Variants in ARHGAP21 observed in about 807,000 individuals in gnomAD.
ARHGAP21 encodes the protein rho GTPase-activating protein 21.
In ARHGAP21, 38 loss-of-function variants were observed where a neutral mutation model predicts 164.6. The observed-to-expected ratio is 0.23, with a 90% CI of 0.18 to 0.30. The LOEUF is 0.30. Among genes scored for constraint, ARHGAP21 ranks in the 10% least tolerant of loss-of-function variants. The pLI is 1.00. For synonymous variants in ARHGAP21, 766 were observed against 857.9 expected (o/e 0.89, Z 1.87); for missense variants, 1,822 against 2,370.7 (o/e 0.77, Z 4.81).
intron 3 of ARHGAP21, among the ~76,000 whole-genome samples, chr10:24,667,810 G>A (rs1840341786): frequency 1.3e-5 from 2 of 151,542 alleles, no homozygotes; most frequent in Admixed American, 6.6e-5. Flanking sequence ...GAGGTTGCCA[G>A]TTAAGTGACA....
At chr10:24,602,981 TG>T (rs536666705) in intron 12 of ARHGAP21, among the ~76,000 whole-genome samples, 1 of 152,130 alleles carries the variant, frequency 6.6e-6, no homozygotes, top group Non-Finnish European at 1.5e-5. Context: ...TAAGGAAGTC[TG>T]GGGGTAACTG....
In ARHGAP21 at chr10:24,598,048, A is replaced by C. The variant is rs200199008; in HGVS notation, c.3133-39T>G. 6.6e-6 allele frequency: 10 copies of C among 1,520,228 alleles called. No individual in the cohort carries two copies. In the African/African-American group the frequency reaches 1.4e-4, roughly 21 times the overall value. 94.2% of individuals were successfully genotyped at this position (1,520,228 alleles called of 1,614,324 possible). ...TAAAATTAGAAAATCAATTCTAAACATAAATAAGTGATCCTTACTTTTTTG... is the reference window on the plus strand; with the variant it reads ...TAAAATTAGAAAATCAATTCTAAACCTAAATAAGTGATCCTTACTTTTTTG... On this transcript the variant is annotated intron_variant, in intron 14 of 25. Transcript: ENST00000396432.
At chr10:24,602,243 T>A in intron 12 of ARHGAP21, 140 bp from the exon 13 acceptor site, 1 of 901,692 alleles carries the variant, frequency 1.1e-6, no homozygotes, top group Non-Finnish European at 1.6e-6. Context: ...TTTATCTTTT[T>A]AAAAATTTCT....
At chr10:24,699,511 G>A (rs1157643500) in intron 2 of ARHGAP21, among the ~76,000 whole-genome samples, 1 of 151,972 alleles carries the variant, frequency 6.6e-6, no homozygotes, top group Non-Finnish European at 1.5e-5. Flanking sequence ...TTTTAGTAGA[G>A]ATAGGGTTTC....
At chr10:24,624,272 C>A (rs1374706236) in intron 7 of ARHGAP21, among the ~76,000 whole-genome samples, 4 of 150,468 alleles carry the variant, frequency 2.7e-5, no homozygotes, top group Admixed American at 2.0e-4. Flanking sequence ...CGCCAGGGAA[C>A]CCATTTTTTT....
chr10:24,622,742 G>C lies in ARHGAP21; in HGVS notation c.516C>G (p.Val172=), dbSNP rs756501613. The stretch of plus-strand genomic sequence containing the variant: ...ACTGTGCATTTCTTACCAGTGCTGT[G>C]ACATCCTTTGTAAACTGTAGCTAGC... ...ILQVLQFTKD[V]TALAYSQDAY... is the part of the protein sequence containing the mutation. Residue 172 remains valine, a synonymous_variant, in exon 8 of 26, where the codon GTC becomes GTG. Coordinates refer to ENST00000396432, the MANE Select transcript of ARHGAP21 (RefSeq NM_020824.4). 3 of 1,611,832 alleles carry C rather than the reference G, an allele frequency of 1.9e-6. No individual in the cohort carries two copies. The highest frequency in any genetic ancestry group is 2.5e-6 in the Non-Finnish European group (3 of 1,179,220).
Position 24,619,511 on chromosome 10 carries a change from C to T in ARHGAP21, c.2384G>A (p.Ser795Asn), listed in dbSNP as rs1188699707. ...RMEERKASST[S>N]PPGDSLASIP... ...GGAAGCCAAAGAATCGCCAGGCGGACTGGTACTCGAGGCTTTTCTTTCCTC... is the reference window on the plus strand; with the variant it reads ...GGAAGCCAAAGAATCGCCAGGCGGATTGGTACTCGAGGCTTTTCTTTCCTC... The change falls in exon 9 of 26, where the codon AGT becomes AAT. Residue 795 changes from serine to asparagine, a missense_variant. Ser to Asn is a conservative substitution (Grantham distance 46). This residue lies in a region of ARHGAP21 where 1,090 missense variants were observed against 1,378.9 expected (regional missense o/e 0.79). Coordinates refer to ENST00000396432, the MANE Select transcript of ARHGAP21 (RefSeq NM_020824.4). 4 of 1,614,064 alleles carry T rather than the reference C, an allele frequency of 2.5e-6. No homozygotes were observed. In the Admixed American group the frequency reaches 6.7e-5, roughly 27 times the overall value.
chr10:24,607,192 CAT>C (rs2077062603), intron 11 of ARHGAP21, among the ~76,000 whole-genome samples: 1 of 152,032 alleles, frequency 6.6e-6, no homozygotes, highest in African/African-American at 2.4e-5. Flanking sequence ...AGGTAGTGTA[CAT>C]ATGATTTTAT....
chr10:24,688,248 G>A (rs1245580580), intron 2 of ARHGAP21, among the ~76,000 whole-genome samples: 1 of 152,112 alleles, frequency 6.6e-6, no homozygotes, highest in African/African-American at 2.4e-5. Context: ...AAAATTAGCT[G>A]AAAGTGGTGG....
chr10:24,717,423 C>T (rs138944412), intron 2 of ARHGAP21, among the ~76,000 whole-genome samples: 5 of 152,274 alleles, frequency 3.3e-5, no homozygotes, highest in African/African-American at 9.6e-5. Context: ...AAACTTGTAA[C>T]TGGTATTCCT....
In ARHGAP21 at chr10:24,620,598, T is replaced by C. The variant is rs1834443591; in HGVS notation, c.1297A>G (p.Thr433Ala). 3.7e-6 allele frequency: 6 copies of C among 1,614,100 alleles called. No individual in the cohort carries two copies. The highest frequency in any genetic ancestry group is 5.1e-6 in the Non-Finnish European group (6 of 1,180,050). The change falls in exon 9 of 26, where the codon ACT becomes GCT. Residue 433 changes from threonine to alanine, a missense_variant. Around this residue, in one of 5 missense-constraint regions of ARHGAP21, gnomAD observed 1,090 missense variants for 1,378.9 expected, o/e 0.79. Coordinates refer to ENST00000396432, the MANE Select transcript of ARHGAP21 (RefSeq NM_020824.4). ...CTTCGACGTCGTCCCTGCAAAGTAG[T>C]GCGGTTGGGGACGACCTGGTTATAA... ...TDYNQVVPNR[T>A]TLQGRRRSTS...
chr10:24,626,637 T>G lies in ARHGAP21; in HGVS notation c.495+3359A>C, dbSNP rs113160996. Reference sequence around the variant, plus strand: ...AGGTATTTTGTTACAGCAGCCCAAATAGACTAAGAGAGTCAGCATCATTGT... The same window carrying G: ...AGGTATTTTGTTACAGCAGCCCAAAGAGACTAAGAGAGTCAGCATCATTGT... On this transcript the variant is annotated intron_variant, in intron 7 of 25. Transcript: ENST00000396432. 4.0e-3 allele frequency among the ~76,000 whole-genome samples: 614 copies of G among 152,292 alleles called. 1 individual carries two copies. The highest frequency in any genetic ancestry group is 0.012 in the South Asian group (57 of 4,824).
rs534125914 is a variant in ARHGAP21, at chr10:24,688,165, T to C, written c.64-17768A>G. Among the ~76,000 whole-genome samples, 3 of 152,218 alleles carry C rather than the reference T, an allele frequency of 2.0e-5. No homozygotes were observed. In the South Asian group the frequency reaches 6.2e-4, roughly 32 times the overall value. On this transcript the variant is annotated intron_variant, in intron 2 of 25. Coordinates refer to ENST00000396432, the MANE Select transcript of ARHGAP21 (RefSeq NM_020824.4). ...CAGCACTCTGGGAGGCCTAGGCGGG[T>C]GGATCACCTGAGGTCAGAAGTTCGA...
intron 9 of ARHGAP21, among the ~76,000 whole-genome samples, chr10:24,612,629 C>T (rs952412746): frequency 7.9e-5 from 12 of 151,604 alleles, no homozygotes; most frequent in African/African-American, 1.5e-4. Flanking sequence ...CCAAGGCGGG[C>T]GGATCACGAG....
At chr10:24,694,122 A>G (rs1842956349) in intron 2 of ARHGAP21, among the ~76,000 whole-genome samples, 2 of 152,202 alleles carry the variant, frequency 1.3e-5, no homozygotes, top group African/African-American at 2.4e-5. Context: ...CCCAAATTAC[A>G]TTCCTTTGAT....
chr10:24,584,920 G>A lies in ARHGAP21; in HGVS notation c.5369C>T (p.Ala1790Val), dbSNP rs774891112. 5.0e-6 allele frequency: 8 copies of A among 1,613,864 alleles called. No individual in the cohort carries two copies. Among genetic ancestry groups the A allele is most frequent in the East Asian group, 4.5e-5 (2 of 44,878 alleles). Residue 1790 changes from alanine to valine, a missense_variant, in exon 26 of 26, where the codon GCC (alanine) becomes GTC (valine). Ala to Val is a moderately conservative substitution (Grantham distance 64). Coordinates refer to ENST00000396432, the MANE Select transcript of ARHGAP21 (RefSeq NM_020824.4). ...MFGVGNHKVN[A>V]ETAKRKSIRR... ...GATGCTTTTCCTTTTAGCAGTCTCG[G>A]CATTCACTTTGTGATTCCCTACTCC...
intron 11 of ARHGAP21, chr10:24,605,725 T>TAATC (rs1322083787): frequency 1.3e-5 from 2 of 152,196 alleles, no homozygotes; most frequent in Non-Finnish European, 2.9e-5. Context: ...ATTTATAAAT[T>TAATC]AATCATTGTA....
intron 7 of ARHGAP21, among the ~76,000 whole-genome samples, chr10:24,625,593 A>G (rs1206448203): frequency 2.6e-5 from 4 of 152,134 alleles, no homozygotes; most frequent in African/African-American, 9.7e-5. Flanking sequence ...ATTTTAAAAA[A>G]TTACAAAGTA....
chr10:24,619,158 A>C (rs959739941), intron 9 of ARHGAP21, among the ~76,000 whole-genome samples: 6 of 152,230 alleles, frequency 3.9e-5, no homozygotes, highest in Admixed American at 1.3e-4. Flanking sequence ...CATTCACCTG[A>C]ATCAACAATT....
Sources: allele counts gnomAD v4.1 joint callset (sites outside exome capture counted in the v4.1 genomes callset), GRCh38; gene constraint gnomAD v4.1.1; regional missense constraint gnomAD v4.1.1; transcripts MANE v1.5; gene names NCBI Gene and HGNC (gene_info 2026-07-23, HGNC 2026-07-21).